USP13: variants seen among roughly 807,000 people sequenced by gnomAD.
USP13 encodes the protein ubiquitin carboxyl-terminal hydrolase 13.
USP13 carries 68 observed loss-of-function variants against 107.8 expected under a neutral mutation model. The observed-to-expected ratio is 0.63, with a 90% CI of 0.52 to 0.77. The LOEUF is 0.77. Ranked by LOEUF, USP13 falls within the 30% of genes least tolerant of loss-of-function variation. USP13 has a pLI of 0.00. For synonymous variants in USP13, 377 were observed against 389.5 expected, an observed-to-expected ratio of 0.97 and a Z score of 0.38; for missense variants, 945 against 1,093.3, an observed-to-expected ratio of 0.86 and a Z score of 1.91.
rs540800299 is a variant in USP13 at position 179,754,225 on chromosome 3, T to C, written c.1799-507T>C. Among the ~76,000 whole-genome samples the C allele has an allele frequency of 3.5e-5, 5 of 142,880 alleles. No homozygotes were observed. The South Asian group carries it at 6.2e-4, about 18-fold the overall frequency. The allele number at this position is 142,880 out of a possible 152,430, so 93.7% of individuals were successfully genotyped here. A position where few individuals can be genotyped will look rare whatever the true frequency, so the allele number is the denominator to read the frequency against. ...CATAAGACTCAGAGTAGCACAAATA[T>C]GATGCTCAGGGAGCAACAAGGAGCA... On this transcript the variant is annotated intron_variant, in intron 14 of 20. Transcript: ENST00000263966.
chr3:179,765,332 G>C (rs1329257649), intron 18 of USP13, among the ~76,000 whole-genome samples: 2 of 152,198 alleles, frequency 1.3e-5, no homozygotes, highest in African/African-American at 4.8e-5. Context: ...AATTAAAGTG[G>C]CTTTAGAAAG....
intron 6 of USP13, among the ~76,000 whole-genome samples, chr3:179,716,697 G>A (rs1450161509): frequency 1.3e-5 from 2 of 151,978 alleles, no homozygotes; most frequent in African/African-American, 4.8e-5. Context: ...AAAAAACAGA[G>A]GAGAAAAAAA....
At chr3:179,762,192 C>T (rs773509222) in intron 17 of USP13, among the ~76,000 whole-genome samples, 2 of 152,308 alleles carry the variant, frequency 1.3e-5, no homozygotes, top group Non-Finnish European at 2.9e-5. Flanking sequence ...AATAAAAGGT[C>T]GTTTGTGTTT....
chr3:179,658,446 C>T (rs950667447), intron 1 of USP13, among the ~76,000 whole-genome samples: 3 of 152,324 alleles, frequency 2.0e-5, no homozygotes, highest in South Asian at 2.1e-4. Context: ...GCCCCCCTCC[C>T]CACCTGCATT....
Position 179,670,629 on chromosome 3 carries a change from A to G in USP13, c.169-11249A>G, listed in dbSNP as rs114148883. On this transcript the variant is annotated intron_variant, in intron 1 of 20. Transcript: ENST00000263966. The stretch of plus-strand genomic sequence containing the variant: ...AATTTCCTCAGCTACAAATCTCAAG[A>G]TATTCTCTTATTAATATCAAATTAT... Among the ~76,000 whole-genome samples the G allele has an allele frequency of 7.1e-3, 1,076 of 152,168 alleles. 10 individuals are homozygous for G. The highest frequency in any genetic ancestry group is 0.025 in the African/African-American group (1,035 of 41,526).
intron 4 of USP13, among the ~76,000 whole-genome samples, chr3:179,705,926 T>G (rs533476816): frequency 6.6e-5 from 10 of 152,278 alleles, no homozygotes; most frequent in African/African-American, 2.4e-4. Flanking sequence ...TTTCACCACG[T>G]TAGCCAGGCT....
At position 179,764,856 on chromosome 3, in the gene USP13, G is replaced by A. The variant is rs563347351; in HGVS notation, c.2259+688G>A. Reference sequence around the variant, plus strand: ...CAATTACTTCTTGCCTATCCTGATGGGGTGCCTGCTAGGATCCGTTGCTGA... The same window carrying A: ...CAATTACTTCTTGCCTATCCTGATGAGGTGCCTGCTAGGATCCGTTGCTGA... On this transcript the variant is annotated intron_variant, in intron 18 of 20. Transcript: ENST00000263966. Among the ~76,000 whole-genome samples, 479 of 152,172 alleles carry A rather than the reference G, an allele frequency of 3.1e-3. 1 individual carries two copies. The highest frequency in any genetic ancestry group is 5.5e-3 in the Non-Finnish European group (377 of 67,976).
chr3:179,744,744 C>G (rs1204259514), intron 12 of USP13, among the ~76,000 whole-genome samples: 1 of 152,148 alleles, frequency 6.6e-6, no homozygotes, highest in Non-Finnish European at 1.5e-5. Flanking sequence ...GCATTTATAT[C>G]ACACACATGG....
chr3:179,741,639 G>A (rs1714204757), intron 11 of USP13, among the ~76,000 whole-genome samples: 1 of 152,172 alleles, frequency 6.6e-6, no homozygotes, highest in Non-Finnish European at 1.5e-5. Context: ...TTACAGGCAT[G>A]AGCCACTGTG....
At chr3:179,669,527 C>T (rs1256538069) in intron 1 of USP13, among the ~76,000 whole-genome samples, 1 of 152,074 alleles carries the variant, frequency 6.6e-6, no homozygotes, top group South Asian at 2.1e-4. Flanking sequence ...CCTGTCTCTG[C>T]TGTCAGCCCC....
intron 2 of USP13, among the ~76,000 whole-genome samples, chr3:179,688,253 C>A (rs1711966825): frequency 6.6e-6 from 1 of 150,482 alleles, no homozygotes; most frequent in African/African-American, 2.4e-5. Context: ...AATATTTACT[C>A]AGTAGCTGCT....
chr3:179,664,411 A>G (rs1376236028), intron 1 of USP13, among the ~76,000 whole-genome samples: 3 of 152,168 alleles, frequency 2.0e-5, no homozygotes, highest in African/African-American at 4.8e-5. Context: ...TGATATTTTC[A>G]TGTTATCTTA....
At chr3:179,690,730 G>A (rs1421465255) in intron 3 of USP13, among the ~76,000 whole-genome samples, 2 of 152,020 alleles carry the variant, frequency 1.3e-5, no homozygotes, top group Non-Finnish European at 2.9e-5. Flanking sequence ...ACACCACCAC[G>A]ACTGGCTAAT....
intron 8 of USP13, among the ~76,000 whole-genome samples, chr3:179,726,618 G>A (rs938640438): frequency 2.0e-5 from 3 of 152,110 alleles, no homozygotes; most frequent in South Asian, 2.1e-4. Flanking sequence ...GAGTGGTTCC[G>A]AACTTGGCCT....
In USP13 at chr3:179,653,694, T is replaced by G; in HGVS notation, c.168+301T>G. The G allele has an allele frequency of 5.6e-6, 2 of 357,132 alleles. No homozygotes were observed. Among genetic ancestry groups the G allele is most frequent in the Non-Finnish European group, 1.0e-5 (2 of 194,030 alleles). The allele number at this position is 357,132 out of a possible 1,614,324, so 22.1% of individuals were successfully genotyped here. A position where few individuals can be genotyped will look rare whatever the true frequency, so the allele number is the denominator to read the frequency against. ...ATAGATGAAATACAAGAGTTCCCTG[T>G]TCCGAACTGCACGTTGCAGATCGTT... On this transcript the variant is annotated intron_variant, in intron 1 of 20. Coordinates refer to ENST00000263966, the MANE Select transcript of USP13 (RefSeq NM_003940.3). The surrounding 1 kb of genome is among the most constrained non-coding windows in gnomAD (Gnocchi z 4.0).
chr3:179,692,081 CTG>C (rs1321280982), intron 3 of USP13, among the ~76,000 whole-genome samples: 5 of 152,160 alleles, frequency 3.3e-5, no homozygotes, highest in Non-Finnish European at 7.4e-5. Flanking sequence ...GAATGTATAT[CTG>C]TGTGTGTGCA....
At position 179,728,604 on chromosome 3, in the gene USP13, T is replaced by C. The variant is rs939513845; in HGVS notation, c.1089-1585T>C. 1.1e-3 allele frequency among the ~76,000 whole-genome samples: 170 copies of C among 151,616 alleles called. 1 individual carries two copies. Among genetic ancestry groups the C allele is most frequent in the African/African-American group, 4.0e-3 (165 of 41,354 alleles). On this transcript the variant is annotated intron_variant, in intron 8 of 20. Transcript: ENST00000263966. The stretch of plus-strand genomic sequence containing the variant: ...TGGCGGCCGGGCAGAGGCTGCAATC[T>C]CAGCACTTTGGGAGGCCAAGGCAGG...
chr3:179,714,335 C>G (rs1249553084), intron 6 of USP13, among the ~76,000 whole-genome samples: 1 of 152,186 alleles, frequency 6.6e-6, no homozygotes, highest in East Asian at 1.9e-4. Context: ...CATAAGCTCC[C>G]TTGAGTTTCT....
chr3:179,703,697 G>A (rs1712613729), intron 4 of USP13, among the ~76,000 whole-genome samples: 1 of 152,184 alleles, frequency 6.6e-6, no homozygotes, highest in Admixed American at 6.5e-5. Context: ...TGAATGCGGT[G>A]TTGGAAAGAG....
Sources: allele counts gnomAD v4.1 joint callset (sites outside exome capture counted in the v4.1 genomes callset), GRCh38; gene constraint gnomAD v4.1.1; non-coding constraint Gnocchi (gnomAD v3.1); transcripts MANE v1.5; gene names NCBI Gene and HGNC (gene_info 2026-07-23, HGNC 2026-07-21).